Variants in TENM2 observed in about 807,000 individuals in gnomAD.
TENM2 encodes teneurin-2.
Under a neutral mutation model 245.2 loss-of-function variants are expected in TENM2, and 52 were observed. The ratio of observed to expected loss-of-function variants is 0.21; its 90% CI spans 0.17 to 0.27. The LOEUF (loss-of-function observed/expected upper bound fraction) is 0.27. TENM2 is among the 10% of genes least tolerant of loss of function. The pLI is 1.00. For synonymous variants in TENM2, 1,363 were observed against 1,438.9 expected (o/e 0.95, Z 1.19); for missense variants, 3,046 against 3,666.8 (o/e 0.83, Z 4.37).
intron 1 of TENM2, among the ~76,000 whole-genome samples, chr5:167,286,485 G>A (rs1771357187): frequency 6.6e-6 from 1 of 152,114 alleles, no homozygotes; most frequent in African/African-American, 2.4e-5. Context: ...GAAGAATCAT[G>A]GCTTAATTAA....
intron 5 of TENM2, among the ~76,000 whole-genome samples, chr5:167,997,754 A>T (rs1784161134): frequency 6.6e-6 from 1 of 152,228 alleles, no homozygotes; most frequent in South Asian, 2.1e-4. Flanking sequence ...TGTTTAGATT[A>T]TGTGCCATGC....
chr5:167,358,837 ACACACACACACACACC>A lies in TENM2; in HGVS notation c.227-16359_227-16344del, dbSNP rs1377886971. Among the ~76,000 whole-genome samples, 140 of 117,808 alleles carry A rather than the reference ACACACACACACACACC, an allele frequency of 1.2e-3. 1 individual carries two copies. Among genetic ancestry groups the A allele is most frequent in the African/African-American group, 4.3e-3 (137 of 31,830 alleles). The allele number at this position is 117,808 out of a possible 152,430, so 77.3% of individuals were successfully genotyped here. On this transcript the variant is annotated intron_variant, in intron 1 of 28. Coordinates refer to ENST00000518659, the Ensembl canonical transcript of TENM2. Reference sequence around the variant, plus strand: ...CACACACACACACACACACACACACACACACACACACACACCCTGCTGTTTTTACAGCCTACCCCAT... The same window carrying A: ...CACACACACACACACACACACACACACTGCTGTTTTTACAGCCTACCCCAT...
At position 167,759,221 on chromosome 5, in the gene TENM2, C is replaced by T. The variant is rs1405035216; in HGVS notation, c.503-116765C>T. On this transcript the variant is annotated intron_variant, in intron 2 of 28. Coordinates refer to ENST00000518659, the Ensembl canonical transcript of TENM2. ...ACTTAACTAGCAAGTTGCTTAACTT[C>T]TCTGTGTCTCAGTATCCTCTTTCAT... 2.0e-5 allele frequency among the ~76,000 whole-genome samples: 3 copies of T among 151,216 alleles called. No individual in the cohort carries two copies. In the East Asian group the frequency reaches 5.8e-4, roughly 29 times the overall value.
intron 2 of TENM2, among the ~76,000 whole-genome samples, chr5:167,789,054 C>T (rs1316531054): frequency 2.6e-5 from 4 of 152,134 alleles, no homozygotes; most frequent in African/African-American, 9.7e-5. Flanking sequence ...TGAGAAGAAC[C>T]ACTGTGTCTT....
chr5:167,702,388 T>C (rs2150444345), intron 2 of TENM2, among the ~76,000 whole-genome samples: 2 of 152,136 alleles, frequency 1.3e-5, no homozygotes, highest in South Asian at 4.1e-4. Context: ...GGTGCTCTCT[T>C]TATTAGCTGA....
chr5:167,331,590 G>T (rs1048004775), intron 1 of TENM2, among the ~76,000 whole-genome samples: 19 of 152,182 alleles, frequency 1.2e-4, no homozygotes, highest in African/African-American at 4.1e-4. Context: ...ACTTTTCTTT[G>T]TTGGGCGCGA....
chr5:167,380,235 G>T (rs936643883), intron 2 of TENM2, among the ~76,000 whole-genome samples: 3 of 152,058 alleles, frequency 2.0e-5, no homozygotes, highest in African/African-American at 7.2e-5. Context: ...TTATTCATGG[G>T]AGTCTTAATA....
chr5:167,305,564 T>C (rs1156662216), intron 1 of TENM2, among the ~76,000 whole-genome samples: 2 of 152,244 alleles, frequency 1.3e-5, no homozygotes, highest in Non-Finnish European at 2.9e-5. Flanking sequence ...CAAGTTACTT[T>C]TGTTCAATCT....
At chr5:168,045,901 A>G (rs1788567006) in intron 5 of TENM2, among the ~76,000 whole-genome samples, 2 of 152,232 alleles carry the variant, frequency 1.3e-5, no homozygotes, top group Non-Finnish European at 2.9e-5. Context: ...TGACCTACAT[A>G]TAACGGACAA....
intron 1 of TENM2, among the ~76,000 whole-genome samples, chr5:167,353,333 T>TGGGGGG (rs10635512): frequency 1.5e-5 from 2 of 135,660 alleles, no homozygotes; most frequent in African/African-American, 5.7e-5. Context: ...AGGGGGGTGG[T>TGGGGGG]GGGGGTGCAG....
chr5:167,274,025 G>C, the TENM2 span, among the ~76,000 whole-genome samples: 1 of 152,010 alleles, frequency 6.6e-6, no homozygotes, highest in African/African-American at 2.4e-5. Flanking sequence ...TCCACCAATA[G>C]CAACATCTTG....
At chr5:167,651,709 G>A (rs1283917505) in intron 2 of TENM2, among the ~76,000 whole-genome samples, 2 of 152,152 alleles carry the variant, frequency 1.3e-5, no homozygotes, top group African/African-American at 4.8e-5. Context: ...CCTGGTCTGT[G>A]TGTCCAGCTC....
chr5:167,955,957 C>G (rs1000492955), intron 4 of TENM2, among the ~76,000 whole-genome samples: 1 of 152,110 alleles, frequency 6.6e-6, no homozygotes, highest in Non-Finnish European at 1.5e-5. Flanking sequence ...CGTATGGGCT[C>G]TTTTTTGGTT....
At chr5:167,878,889 C>T (rs894129560) in intron 3 of TENM2, among the ~76,000 whole-genome samples, 1 of 152,068 alleles carries the variant, frequency 6.6e-6, no homozygotes, top group Admixed American at 6.6e-5. Context: ...TTGGCAATAA[C>T]CCTGTGTTCT....
At chr5:167,091,415 T>A in the TENM2 span, among the ~76,000 whole-genome samples, 1 of 152,146 alleles carries the variant, frequency 6.6e-6, no homozygotes, top group Non-Finnish European at 1.5e-5. Context: ...ATAGTACAGA[T>A]AAGAAATAAG....
At chr5:167,449,647 GA>G (rs1183688337) in intron 2 of TENM2, among the ~76,000 whole-genome samples, 1 of 152,044 alleles carries the variant, frequency 6.6e-6, no homozygotes, top group Non-Finnish European at 1.5e-5. Context: ...AGTGAAAACA[GA>G]ATTTTATAAT....
chr5:167,602,512 C>A (rs1050794507), intron 2 of TENM2, among the ~76,000 whole-genome samples: 1 of 151,998 alleles, frequency 6.6e-6, no homozygotes, highest in Non-Finnish European at 1.5e-5. Flanking sequence ...TTTTTGGTCA[C>A]GGTTAGGTCC....
chr5:168,082,917 G>A (rs1792129486), intron 7 of TENM2, among the ~76,000 whole-genome samples: 1 of 152,164 alleles, frequency 6.6e-6, no homozygotes, highest in Non-Finnish European at 1.5e-5. Context: ...CACTTGAGGA[G>A]GCAGTCTGTC....
At chr5:167,524,112 C>A (rs889662587) in intron 2 of TENM2, among the ~76,000 whole-genome samples, 1 of 152,266 alleles carries the variant, frequency 6.6e-6, no homozygotes, top group African/African-American at 2.4e-5. Context: ...CCTATTGAGT[C>A]AGCATCTCTG....
Sources: gnomAD v4.1 joint callset for allele counts (sites outside exome capture counted in the v4.1 genomes callset) on GRCh38, gnomAD v4.1.1 for gene constraint, MANE v1.5 for transcripts, NCBI Gene and HGNC (gene_info 2026-07-23, HGNC 2026-07-21) for gene names.